AIRIM: variants seen among roughly 807,000 people sequenced by gnomAD.
AIRIM encodes the protein AFG2 interacting ribosome maturation factor.
At chr1:37,685,679 C>G in the AIRIM span, among the ~76,000 whole-genome samples, 1 of 152,272 alleles carries the variant, frequency 6.6e-6, no homozygotes, top group Admixed American at 6.5e-5. Flanking sequence ...TGAGCCACCA[C>G]GCCCAGACCC....
the AIRIM span, chr1:37,690,933 C>T: frequency 0.53 from 80,152 of 152,242 alleles, 21,759 homozygotes; most frequent in East Asian, 0.71. Context: ...TTCGGGCTCA[C>T]TGGGGAGTAG....
the AIRIM span, chr1:37,686,459 G>A: frequency 1.2e-6 from 2 of 1,610,854 alleles, no homozygotes; most frequent in Non-Finnish European, 1.7e-6. Context: ...GGCTCTGCAA[G>A]AAAGAGTCTG....
chr1:37,683,454 G>A, the AIRIM span: 2 of 1,610,716 alleles, frequency 1.2e-6, no homozygotes, highest in South Asian at 2.2e-5. Context: ...GGAAGTTAAG[G>A]ACTGCTCAAA....
chr1:37,686,027 C>T, the AIRIM span, among the ~76,000 whole-genome samples: 4 of 152,172 alleles, frequency 2.6e-5, no homozygotes, highest in Admixed American at 1.3e-4. Flanking sequence ...TAACACTTAT[C>T]GCCATTCAGC....
chr1:37,690,458 T>TA, the AIRIM span: 53 of 1,263,326 alleles, frequency 4.2e-5, no homozygotes, highest in Non-Finnish European at 5.1e-5. Context: ...CGGAAAAACT[T>TA]AAAAGTCCAG....
At chr1:37,690,179 G>T in the AIRIM span, 1 of 1,157,766 alleles carries the variant, frequency 8.6e-7, no homozygotes, top group Non-Finnish European at 1.2e-6. Context: ...AACACGCCTG[G>T]CTAATTTTTG....
chr1:37,686,836 G>A, the AIRIM span, among the ~76,000 whole-genome samples: 3 of 152,142 alleles, frequency 2.0e-5, no homozygotes, highest in African/African-American at 7.2e-5. Context: ...GGGAGGCTGA[G>A]CGGGGTGGAT....
the AIRIM span, among the ~76,000 whole-genome samples, chr1:37,687,461 T>A: frequency 8.2e-5 from 12 of 146,702 alleles, no homozygotes; most frequent in Middle Eastern, 3.4e-3. Context: ...TTAAAACATT[T>A]AAAAAAAAAA....
the AIRIM span, chr1:37,683,408 G>A: frequency 6.2e-7 from 1 of 1,614,012 alleles, no homozygotes; most frequent in Non-Finnish European, 8.5e-7. Flanking sequence ...CCACTGGATA[G>A]ACGAAAGAAG....
chr1:37,690,011 C>A, the AIRIM span: 1 of 1,424,806 alleles, frequency 7.0e-7, no homozygotes, highest in South Asian at 1.5e-5. Flanking sequence ...CCTCCAGAAG[C>A]AGGGTTTTTT....
At chr1:37,683,435 T>A in the AIRIM span, 1 of 1,613,436 alleles carries the variant, frequency 6.2e-7, no homozygotes, top group Admixed American at 1.7e-5. Flanking sequence ...TCTCTTCAGG[T>A]ACCTTTCTGG....
At chr1:37,683,456 C>A in the AIRIM span, 1 of 1,610,474 alleles carries the variant, frequency 6.2e-7, no homozygotes, top group Non-Finnish European at 8.5e-7. Flanking sequence ...AAGTTAAGGA[C>A]TGCTCAAAAG....
the AIRIM span, chr1:37,683,642 G>T: frequency 1.9e-6 from 1 of 523,502 alleles, no homozygotes; most frequent in South Asian, 2.6e-5. Context: ...AAAGAGGAAT[G>T]AAACCATCCC....
chr1:37,685,198 G>A, the AIRIM span, among the ~76,000 whole-genome samples: 1 of 127,332 alleles, frequency 7.9e-6, no homozygotes, highest in African/African-American at 2.9e-5. Flanking sequence ...TTTTTGGGGG[G>A]GGGGGGTGGG....
chr1:37,685,579 C>A, the AIRIM span, among the ~76,000 whole-genome samples: 1 of 151,594 alleles, frequency 6.6e-6, no homozygotes, highest in African/African-American at 2.4e-5. Context: ...GTAGAGACGG[C>A]GTTTCACCAT....
the AIRIM span, among the ~76,000 whole-genome samples, chr1:37,685,007 AT>A: frequency 3.3e-5 from 5 of 151,732 alleles, no homozygotes; most frequent in African/African-American, 1.2e-4. Context: ...CAAAAAAAAA[AT>A]TTTTTTGAGA....
At chr1:37,685,519 TAC>T in the AIRIM span, among the ~76,000 whole-genome samples, 16 of 152,014 alleles carry the variant, frequency 1.1e-4, no homozygotes, top group Non-Finnish European at 2.2e-4. Flanking sequence ...TAGCTGGGAT[TAC>T]AGACTTCAGG....
At chr1:37,689,173 TGCTTAA>T in the AIRIM span, among the ~76,000 whole-genome samples, 3 of 152,172 alleles carry the variant, frequency 2.0e-5, no homozygotes, top group Non-Finnish European at 4.4e-5. Context: ...ATGGGCAATC[TGCTTAA>T]GCTTCAGTTT....
At chr1:37,687,960 C>G in the AIRIM span, among the ~76,000 whole-genome samples, 1 of 151,578 alleles carries the variant, frequency 6.6e-6, no homozygotes, top group African/African-American at 2.4e-5. Context: ...TAGGCTCAAG[C>G]GATCCTCCTG....
Sources: gnomAD v4.1 joint callset for allele counts (sites outside exome capture counted in the v4.1 genomes callset) on GRCh38, gnomAD v4.1.1 for gene constraint, MANE v1.5 for transcripts, NCBI Gene and HGNC (gene_info 2026-07-23, HGNC 2026-07-21) for gene names.